MED12L: variants seen among roughly 807,000 people sequenced by gnomAD.
MED12L encodes the protein mediator of RNA polymerase II transcription subunit 12-like protein.
MED12L carries 60 observed loss-of-function variants against 281.3 expected under a neutral mutation model. That is an observed-to-expected ratio of 0.21 (90% CI 0.17 to 0.26). The LOEUF (loss-of-function observed/expected upper bound fraction) is 0.26. MED12L is among the 10% of genes least tolerant of loss of function. The pLI is 1.00. For synonymous variants in MED12L, 974 were observed against 987.2 expected, an observed-to-expected ratio of 0.99 and a Z score of 0.25; for missense variants, 2,146 against 2,680.9, an observed-to-expected ratio of 0.80 and a Z score of 4.41.
intron 5 of MED12L, among the ~76,000 whole-genome samples, chr3:151,153,365 A>G (rs1402324274): frequency 6.6e-6 from 1 of 152,098 alleles, no homozygotes; most frequent in African/African-American, 2.4e-5. Flanking sequence ...ACTTTCTAAT[A>G]ATCTGGCTTC....
At chr3:151,092,457 AAT>A (rs1720180811) in intron 2 of MED12L, among the ~76,000 whole-genome samples, 1 of 152,250 alleles carries the variant, frequency 6.6e-6, no homozygotes, top group Non-Finnish European at 1.5e-5. Flanking sequence ...GTGCTCAGTA[AAT>A]ACTTCATGAA....
intron 2 of MED12L, 145 bp from the exon 3 acceptor site, chr3:151,116,193 A>T: frequency 1.7e-6 from 1 of 583,978 alleles, no homozygotes; most frequent in Non-Finnish European, 3.0e-6. Context: ...TTTAAACTTC[A>T]ATTTCTGCCT....
intron 16 of MED12L, among the ~76,000 whole-genome samples, chr3:151,262,091 T>C (rs1384148021): frequency 6.6e-6 from 1 of 152,234 alleles, no homozygotes; most frequent in Non-Finnish European, 1.5e-5. Flanking sequence ...TACTATTTTT[T>C]AATAGCTTTG....
chr3:151,200,488 CA>C (rs1725390338), intron 16 of MED12L, among the ~76,000 whole-genome samples: 1 of 152,090 alleles, frequency 6.6e-6, no homozygotes, highest in African/African-American at 2.4e-5. Context: ...TTATAGTGAC[CA>C]ACATTGAAGG....
chr3:151,157,524 TA>T (rs1719444852), intron 6 of MED12L, among the ~76,000 whole-genome samples: 2 of 152,196 alleles, frequency 1.3e-5, no homozygotes, highest in East Asian at 3.9e-4. Flanking sequence ...GTCTCTTTTT[TA>T]AAAAAATTTT....
At chr3:151,176,801 AGT>A (rs1245695606) in intron 11 of MED12L, among the ~76,000 whole-genome samples, 11 of 152,322 alleles carry the variant, frequency 7.2e-5, no homozygotes, top group Middle Eastern at 6.8e-3. Flanking sequence ...GAATGCTTCT[AGT>A]GTGTCACACT....
chr3:151,314,119 T>C (rs1313643125), intron 16 of MED12L, among the ~76,000 whole-genome samples: 2 of 152,198 alleles, frequency 1.3e-5, no homozygotes, highest in African/African-American at 2.4e-5. Flanking sequence ...CATTAGAAAT[T>C]ACTGTTTAAG....
intron 16 of MED12L, among the ~76,000 whole-genome samples, chr3:151,206,467 T>C (rs1726372085): frequency 6.6e-6 from 1 of 151,994 alleles, no homozygotes; most frequent in Non-Finnish European, 1.5e-5. Flanking sequence ...CTTTTGGTTG[T>C]GAGGTGTGAC....
intron 40 of MED12L, among the ~76,000 whole-genome samples, chr3:151,411,066 A>G (rs948905745): frequency 6.6e-6 from 1 of 151,772 alleles, no homozygotes; most frequent in African/African-American, 2.4e-5. Flanking sequence ...ATTTCTGGTG[A>G]GTCATTACAC....
chr3:151,361,111 T>C (rs890045634), intron 21 of MED12L, among the ~76,000 whole-genome samples: 1 of 152,158 alleles, frequency 6.6e-6, no homozygotes, highest in Admixed American at 6.6e-5. Flanking sequence ...TTTGCATTAC[T>C]TGGATTAGCT....
intron 17 of MED12L, among the ~76,000 whole-genome samples, chr3:151,354,130 G>C (rs1753622591): frequency 1.0e-5 from 1 of 95,408 alleles, no homozygotes; most frequent in Admixed American, 1.8e-4. Context: ...GACAGAGCGA[G>C]ACTCCGTCTC....
chr3:151,198,556 G>A (rs1209151975), intron 16 of MED12L: 8 of 1,613,914 alleles, frequency 5.0e-6, no homozygotes, highest in Admixed American at 1.7e-5. Context: ...CAAAGCACAG[G>A]TTCGACACAG....
chr3:151,384,221 A>G lies in MED12L; in HGVS notation c.4926+3A>G, dbSNP rs1712911501. The stretch of plus-strand genomic sequence containing the variant: ...TGAATTTAGTAAAGAAACTGAAAGT[A>G]AGTTTGAGATCAGCCTGTATTATGA... On this transcript the variant is annotated splice_donor_region_variant and intron_variant, in intron 35 of 44. Transcript: ENST00000687756. 1 of 1,604,092 alleles carries G rather than the reference A, an allele frequency of 6.2e-7. No homozygotes were observed. Among genetic ancestry groups the G allele is most frequent in the Non-Finnish European group, 8.5e-7 (1 of 1,176,972 alleles).
intron 16 of MED12L, among the ~76,000 whole-genome samples, chr3:151,220,414 G>A (rs1185180683): frequency 6.6e-6 from 1 of 152,102 alleles, no homozygotes; most frequent in Admixed American, 6.6e-5. Context: ...CATTACCTGG[G>A]ATCTTGCTAA....
At chr3:151,230,570 C>CTTTTTTTT (rs368433695) in intron 16 of MED12L, among the ~76,000 whole-genome samples, 1 of 139,458 alleles carries the variant, frequency 7.2e-6, no homozygotes. Flanking sequence ...TTACTCCACG[C>CTTTTTTTT]TTTTTTTTTT....
chr3:151,148,907 T>G (rs995708641), intron 5 of MED12L, among the ~76,000 whole-genome samples: 1 of 152,252 alleles, frequency 6.6e-6, no homozygotes, highest in African/African-American at 2.4e-5. Context: ...TTTATAGCCA[T>G]TGATTAACAG....
rs570341278 is a variant in MED12L, at chr3:151,391,558, A to G, written c.5608+1423A>G. ...AGAATTGTCTTGGGCCACACATAAAATACACAAACAATAGGCGATCAACTA... is the reference window on the plus strand; with the variant it reads ...AGAATTGTCTTGGGCCACACATAAAGTACACAAACAATAGGCGATCAACTA... On this transcript the variant is annotated intron_variant, in intron 38 of 44. Coordinates refer to ENST00000687756, the MANE Select transcript of MED12L (RefSeq NM_001393769.1). Among the ~76,000 whole-genome samples the G allele has an allele frequency of 2.0e-3, 303 of 152,300 alleles. 2 individuals are homozygous for G. The highest frequency in any genetic ancestry group is 6.9e-3 in the African/African-American group (287 of 41,552).
intron 16 of MED12L, among the ~76,000 whole-genome samples, chr3:151,296,124 G>A (rs1173234710): frequency 1.3e-5 from 2 of 152,164 alleles, no homozygotes; most frequent in African/African-American, 4.8e-5. Flanking sequence ...AGGACAACTT[G>A]TTAAAAGTAA....
intron 26 of MED12L, among the ~76,000 whole-genome samples, chr3:151,370,925 A>T (rs578148523): frequency 6.6e-6 from 1 of 152,264 alleles, no homozygotes; most frequent in South Asian, 2.1e-4. Flanking sequence ...CATCCACATA[A>T]TTTGGAGGAT....
Sources: allele counts gnomAD v4.1 joint callset (sites outside exome capture counted in the v4.1 genomes callset), GRCh38; gene constraint gnomAD v4.1.1; transcripts MANE v1.5; gene names NCBI Gene and HGNC (gene_info 2026-07-23, HGNC 2026-07-21).